Variants in USP9Y observed in about 807,000 individuals in gnomAD.
USP9Y encodes ubiquitin specific peptidase 9 Y-linked.
Under a neutral mutation model 53.1 loss-of-function variants are expected in USP9Y, and 41 were observed. The observed-to-expected ratio is 0.77, with a 90% CI of 0.60 to 1.00. The LOEUF (loss-of-function observed/expected upper bound fraction) is 1.00. Among genes scored for constraint, USP9Y ranks in the 50% least tolerant of loss-of-function variants. The pLI is 0.00. For synonymous variants in USP9Y, 220 were observed against 173.7 expected (o/e 1.27, Z -2.09); for missense variants, 567 against 535.8 (o/e 1.06, Z -0.58).
chrY:12,720,125 C>T (rs2053434183), intron 3 of USP9Y, among the ~76,000 whole-genome samples: 1 of 31,082 alleles, frequency 3.2e-5, no homozygotes, highest in Non-Finnish European at 7.9e-5. Context: ...TGGCCGGGTG[C>T]GGTGGCTCAC....
At chrY:12,715,686 T>G in intron 3 of USP9Y, among the ~76,000 whole-genome samples, 1 of 32,845 alleles carries the variant, frequency 3.0e-5, no homozygotes. Flanking sequence ...CAGTTTAGGT[T>G]ATCATACCTT....
At chrY:12,733,990 A>T in intron 7 of USP9Y, among the ~76,000 whole-genome samples, 1 of 33,163 alleles carries the variant, frequency 3.0e-5, no homozygotes, top group Non-Finnish European at 7.4e-5. Flanking sequence ...TTACCCATGT[A>T]TTTCACATGG....
At chrY:12,791,725 G>A in intron 26 of USP9Y, 101 bp downstream of exon 26, 1 of 171,424 alleles carries the variant, frequency 5.8e-6, no homozygotes, top group South Asian at 7.1e-5. Flanking sequence ...CAAGTCGCTT[G>A]TATCTAATGG....
chrY:12,728,163 C>T (rs2148280912), intron 7 of USP9Y, among the ~76,000 whole-genome samples: 1 of 32,363 alleles, frequency 3.1e-5, no homozygotes, highest in South Asian at 6.9e-4. Context: ...GATTGTGTGT[C>T]GTATTGATCA....
At chrY:12,843,703 C>A (rs2053564340) in intron 39 of USP9Y, among the ~76,000 whole-genome samples, 1 of 33,520 alleles carries the variant, frequency 3.0e-5, no homozygotes, top group Non-Finnish European at 7.4e-5. Flanking sequence ...ATATTAACAT[C>A]AATTAAGAAA....
intron 38 of USP9Y, among the ~76,000 whole-genome samples, chrY:12,842,747 G>A (rs2053563242): frequency 3.0e-5 from 1 of 32,801 alleles, no homozygotes; most frequent in African/African-American, 1.2e-4. Flanking sequence ...TTTTTATAAT[G>A]GCTAAAGGCT....
At chrY:12,834,768 C>A in intron 34 of USP9Y, among the ~76,000 whole-genome samples, 2 of 33,555 alleles carry the variant, frequency 6.0e-5, no homozygotes, top group African/African-American at 2.3e-4. Flanking sequence ...AGGAAGAAAA[C>A]AGAATATACA....
chrY:12,793,185 T>C lies in USP9Y; in HGVS notation c.3967T>C (p.Leu1323=). ...AWQTFIIDLL[L]HCPSKTVRQL... ...GCAGACCTTCATCATTGACTTATTA[T>C]TGCACTGTCCAAGCAAGTATGTGAT... The change falls in exon 27 of 46, where the codon TTG becomes CTG. Residue 1323 remains leucine (L), a synonymous_variant. Transcript: ENST00000338981. The C allele has an allele frequency of 5.0e-6, 2 of 397,901 alleles. No homozygotes were observed. The highest frequency in any genetic ancestry group is 7.1e-6 in the Non-Finnish European group (2 of 282,809).
At chrY:12,809,595 C>T (rs2053527808) in intron 27 of USP9Y, among the ~76,000 whole-genome samples, 1 of 32,766 alleles carries the variant, frequency 3.1e-5, no homozygotes, top group Non-Finnish European at 7.6e-5. Flanking sequence ...TGTATGTCTT[C>T]GAGGTTCTCA....
At chrY:12,775,965 A>T in intron 18 of USP9Y, among the ~76,000 whole-genome samples, 1 of 30,816 alleles carries the variant, frequency 3.2e-5, no homozygotes, top group Non-Finnish European at 7.8e-5. Flanking sequence ...GCCTCTGATT[A>T]TAGGCGCACA....
intron 32 of USP9Y, among the ~76,000 whole-genome samples, chrY:12,818,071 C>T: frequency 9.1e-5 from 3 of 33,016 alleles, no homozygotes; most frequent in Non-Finnish European, 2.2e-4. Flanking sequence ...GCATTATGCT[C>T]ACAAGAAAAT....
chrY:12,832,974 T>A, intron 33 of USP9Y, among the ~76,000 whole-genome samples: 8 of 33,480 alleles, frequency 2.4e-4, no homozygotes, highest in African/African-American at 9.2e-4. Flanking sequence ...TTTATAACAA[T>A]TTTTTTAATT....
chrY:12,736,239 A>G lies in USP9Y; in HGVS notation c.1015A>G (p.Met339Val). The G allele has an allele frequency of 2.6e-6, 1 of 384,014 alleles. No homozygotes were observed. The highest frequency in any genetic ancestry group is 3.7e-6 in the Non-Finnish European group (1 of 272,506). ...IKNLEIFRLK[M>V]ILRLLQISSF... ...AAATTTGGAAATTTTTAGGTTAAAG[A>G]TGATACTCAGGTAAGATATTTTCCA... is the stretch of plus-strand genomic sequence containing the variant. Residue 339 changes from methionine to valine, a missense_variant, in exon 9 of 46, where the codon ATG becomes GTG. Coordinates refer to ENST00000338981, the MANE Select transcript of USP9Y (RefSeq NM_004654.4).
At chrY:12,837,773 G>A in intron 34 of USP9Y, 138 bp from the exon 35 acceptor site, 1 of 143,365 alleles carries the variant, frequency 7.0e-6, no homozygotes, top group South Asian at 5.5e-5. Context: ...CATAAGCCCA[G>A]GAGTTCAAGG....
At chrY:12,835,195 A>G (rs2053554341) in intron 34 of USP9Y, among the ~76,000 whole-genome samples, 1 of 32,239 alleles carries the variant, frequency 3.1e-5, no homozygotes, top group African/African-American at 1.2e-4. Flanking sequence ...CACTGCAGTC[A>G]CATGCCATAA....
chrY:12,807,308 T>C, intron 27 of USP9Y, among the ~76,000 whole-genome samples: 3 of 25,474 alleles, frequency 1.2e-4, no homozygotes, highest in Non-Finnish European at 2.7e-4. Flanking sequence ...TTTTATCATT[T>C]GTCTGCTGTT....
intron 12 of USP9Y, among the ~76,000 whole-genome samples, chrY:12,745,464 A>G: frequency 6.1e-5 from 2 of 32,991 alleles, no homozygotes; most frequent in South Asian, 1.4e-3. Flanking sequence ...TTTGTTACTC[A>G]CCGCAGGTTA....
intron 34 of USP9Y, among the ~76,000 whole-genome samples, chrY:12,837,546 A>G: frequency 3.0e-5 from 1 of 33,318 alleles, no homozygotes; most frequent in East Asian, 8.0e-4. Flanking sequence ...TGCACAACCT[A>G]CATCACTCAC....
chrY:12,742,694 A>G (rs2053457638), intron 12 of USP9Y, among the ~76,000 whole-genome samples: 1 of 33,472 alleles, frequency 3.0e-5, no homozygotes. Context: ...ACTTTAATAA[A>G]TTAATTTTTT....
Sources: gnomAD v4.1 joint callset for allele counts (sites outside exome capture counted in the v4.1 genomes callset) on GRCh38, gnomAD v4.1.1 for gene constraint, MANE v1.5 for transcripts, NCBI Gene and HGNC (gene_info 2026-07-23, HGNC 2026-07-21) for gene names.